LRRC1: variants seen among roughly 807,000 people sequenced by gnomAD.
LRRC1 encodes the protein leucine-rich repeat-containing protein 1.
A neutral mutation model predicts 69.9 loss-of-function variants in LRRC1; 28 were observed. That is an observed-to-expected ratio of 0.40 (90% confidence interval 0.30 to 0.55). The LOEUF is 0.55. Among genes scored for constraint, LRRC1 ranks in the 20% least tolerant of loss-of-function variants. The probability of loss-of-function intolerance (pLI) is 0.47; values close to 1 mark genes in which losing one functional copy is unlikely to be tolerated. For synonymous variants in LRRC1, 236 were observed against 240.2 expected, an observed-to-expected ratio of 0.98 and a Z score of 0.16; for missense variants, 498 against 609.0, an observed-to-expected ratio of 0.82 and a Z score of 1.92.
At chr6:53,902,175 C>G (rs1283866559) in intron 8 of LRRC1, among the ~76,000 whole-genome samples, 1 of 152,200 alleles carries the variant, frequency 6.6e-6, no homozygotes, top group Non-Finnish European at 1.5e-5. Context: ...CCAGAGGTTA[C>G]CGCTTTATTC....
chr6:53,831,258 A>G (rs963058226), intron 1 of LRRC1, among the ~76,000 whole-genome samples: 3 of 152,166 alleles, frequency 2.0e-5, no homozygotes, highest in Non-Finnish European at 2.9e-5. Context: ...TAGTCAATCC[A>G]GTTCACATGA....
intron 2 of LRRC1, among the ~76,000 whole-genome samples, chr6:53,870,980 T>G (rs1766864274): frequency 2.0e-5 from 3 of 152,258 alleles, no homozygotes; most frequent in Admixed American, 2.0e-4. Context: ...TCATTCTTTT[T>G]TTATGGCTGA....
chr6:53,842,521 A>G (rs937256907), intron 2 of LRRC1, among the ~76,000 whole-genome samples: 2 of 152,224 alleles, frequency 1.3e-5, no homozygotes, highest in East Asian at 1.9e-4. Context: ...ATTTCATAAC[A>G]CAAGTTTTAG....
rs1767370742 is a variant in LRRC1 at position 53,883,575 on chromosome 6, G to A, written c.446+599G>A. On this transcript the variant is annotated intron_variant, in intron 4 of 13. Coordinates refer to ENST00000370888, the MANE Select transcript of LRRC1 (RefSeq NM_018214.5). ...ATAGAATCCATTGAAGACAATGTAT[G>A]CTGGTGAATAAATGTTCTGTTATAC... Among the ~76,000 whole-genome samples, 3 of 152,348 alleles carry A rather than the reference G, an allele frequency of 2.0e-5. No homozygotes were observed. The South Asian group carries it at 6.2e-4, about 32-fold the overall frequency.
At chr6:53,807,533 G>A (rs1230953708) in intron 1 of LRRC1, among the ~76,000 whole-genome samples, 1 of 152,182 alleles carries the variant, frequency 6.6e-6, no homozygotes. Context: ...ATCACCTGAG[G>A]TTGGGAGTTC....
chr6:53,815,356 G>A (rs1323105904), intron 1 of LRRC1, among the ~76,000 whole-genome samples: 1 of 152,118 alleles, frequency 6.6e-6, no homozygotes, highest in Non-Finnish European at 1.5e-5. Context: ...TTTAAGTGAG[G>A]ATGATGGTTC....
chr6:53,853,667 C>T lies in LRRC1; in HGVS notation c.277+11440C>T, dbSNP rs188659817. Among the ~76,000 whole-genome samples the T allele has an allele frequency of 3.4e-3, 522 of 152,242 alleles. 1 individual carries two copies. The highest frequency in any genetic ancestry group is 6.0e-3 in the Non-Finnish European group (405 of 68,008). On this transcript the variant is annotated intron_variant, in intron 2 of 13. Transcript: ENST00000370888. ...CACAGAAAGATCTGACATAACATTT[C>T]TGGGGTAACTGTTGTGCTGTCTTGG...
chr6:53,876,530 G>A (rs186458310), intron 2 of LRRC1, among the ~76,000 whole-genome samples: 20 of 152,246 alleles, frequency 1.3e-4, no homozygotes, highest in Admixed American at 4.6e-4. Context: ...TTCCATCTAT[G>A]AGCCTGTAAA....
chr6:53,807,415 A>T (rs1427995831), intron 1 of LRRC1, among the ~76,000 whole-genome samples: 1 of 152,220 alleles, frequency 6.6e-6, no homozygotes, highest in Non-Finnish European at 1.5e-5. Context: ...AGATAAGAAA[A>T]TATGAATTTC....
At chr6:53,879,732 G>A (rs143102533) in intron 3 of LRRC1, among the ~76,000 whole-genome samples, 15 of 150,904 alleles carry the variant, frequency 9.9e-5, no homozygotes, top group Non-Finnish European at 2.1e-4. Context: ...TAAAGCCACC[G>A]TGTCAGTTTT....
At chr6:53,865,205 A>G (rs1008719771) in intron 2 of LRRC1, among the ~76,000 whole-genome samples, 6 of 152,132 alleles carry the variant, frequency 3.9e-5, no homozygotes, top group Non-Finnish European at 5.9e-5. Flanking sequence ...ATCAAGTTCT[A>G]TGTAATCTTG....
chr6:53,858,924 A>C (rs1766406243), intron 2 of LRRC1, among the ~76,000 whole-genome samples: 1 of 152,160 alleles, frequency 6.6e-6, no homozygotes, highest in South Asian at 2.1e-4. Context: ...AAGTTTTTAA[A>C]ATGCTTCTTT....
intron 7 of LRRC1, among the ~76,000 whole-genome samples, chr6:53,897,717 G>A (rs1767921771): frequency 6.6e-6 from 1 of 152,158 alleles, no homozygotes; most frequent in South Asian, 2.1e-4. Context: ...GATGTGCCAA[G>A]TGCTTTGGGA....
chr6:53,820,191 C>G (rs886853991), intron 1 of LRRC1, among the ~76,000 whole-genome samples: 5 of 151,784 alleles, frequency 3.3e-5, no homozygotes, highest in African/African-American at 9.7e-5. Context: ...TTTCAGGAAC[C>G]CTGAAAATGA....
At chr6:53,902,386 T>C (rs1768087977) in intron 8 of LRRC1, among the ~76,000 whole-genome samples, 1 of 152,210 alleles carries the variant, frequency 6.6e-6, no homozygotes, top group South Asian at 2.1e-4. Context: ...ATGCAATGTT[T>C]TTATGCTTTT....
chr6:53,805,022 C>CTTT (rs539177324), intron 1 of LRRC1, among the ~76,000 whole-genome samples: 1 of 149,976 alleles, frequency 6.7e-6, no homozygotes, highest in African/African-American at 2.5e-5. Context: ...TAGAGGCTGT[C>CTTT]TTTTTTTTTT....
intron 1 of LRRC1, among the ~76,000 whole-genome samples, chr6:53,827,678 G>A (rs1765312973): frequency 6.6e-6 from 1 of 152,172 alleles, no homozygotes; most frequent in South Asian, 2.1e-4. Flanking sequence ...AATGGAGTCA[G>A]AAAGGCCATG....
chr6:53,876,536 G>A (rs1301650342), intron 2 of LRRC1, among the ~76,000 whole-genome samples: 1 of 152,184 alleles, frequency 6.6e-6, no homozygotes, highest in Non-Finnish European at 1.5e-5. Flanking sequence ...CTATGAGCCT[G>A]TAAAATCAAA....
intron 2 of LRRC1, among the ~76,000 whole-genome samples, chr6:53,873,394 C>A (rs561703626): frequency 6.6e-6 from 1 of 151,302 alleles, no homozygotes; most frequent in Non-Finnish European, 1.5e-5. Flanking sequence ...TGGGTTCATG[C>A]CATTCTCCTG....
Sources: gnomAD v4.1 joint callset for allele counts (sites outside exome capture counted in the v4.1 genomes callset) on GRCh38, gnomAD v4.1.1 for gene constraint, MANE v1.5 for transcripts, NCBI Gene and HGNC (gene_info 2026-07-23, HGNC 2026-07-21) for gene names.